ETV6: variants seen among roughly 807,000 people sequenced by gnomAD.
ETV6 encodes transcription factor ETV6.
A neutral mutation model predicts 51.1 loss-of-function variants in ETV6; 16 were observed. The observed-to-expected ratio is 0.31, with a 90% CI of 0.21 to 0.48. The LOEUF is 0.48. Ranked by LOEUF, ETV6 falls within the 20% of genes least tolerant of loss-of-function variation. ETV6 has a pLI of 0.99. For missense variants in ETV6, 458 were observed against 594.8 expected (o/e 0.77, Z 2.39); for synonymous variants, 240 against 224.1 (o/e 1.07, Z -0.64).
chr12:11,718,832 T>G (rs1865328198), intron 1 of ETV6, among the ~76,000 whole-genome samples: 1 of 152,076 alleles, frequency 6.6e-6, no homozygotes, highest in Non-Finnish European at 1.5e-5. Context: ...ATACTGTATT[T>G]TAGAATAAGC....
chr12:11,793,489 A>G (rs964030341), intron 2 of ETV6, among the ~76,000 whole-genome samples: 7 of 152,232 alleles, frequency 4.6e-5, no homozygotes, highest in African/African-American at 1.7e-4. Flanking sequence ...TCCACACACC[A>G]TCTCATTCAA....
At chr12:11,732,121 A>G (rs954557408) in intron 1 of ETV6, among the ~76,000 whole-genome samples, 1 of 152,236 alleles carries the variant, frequency 6.6e-6, no homozygotes, top group African/African-American at 2.4e-5. Context: ...CAGTGTGTGC[A>G]TGGCTCAGTG....
intron 2 of ETV6, among the ~76,000 whole-genome samples, chr12:11,791,172 C>T (rs541597783): frequency 4.6e-5 from 7 of 152,236 alleles, no homozygotes; most frequent in South Asian, 2.1e-4. Context: ...AAATTACCAC[C>T]GGTTCTTCTG....
chr12:11,709,754 A>C (rs1195755619), intron 1 of ETV6, among the ~76,000 whole-genome samples: 1 of 152,230 alleles, frequency 6.6e-6, no homozygotes, highest in Non-Finnish European at 1.5e-5. Context: ...AATCAGTTGA[A>C]GGCCTGAATA....
chr12:11,650,299 T>G, intron 1 of ETV6, 139 bp downstream of exon 1: 1 of 759,562 alleles, frequency 1.3e-6, no homozygotes, highest in South Asian at 1.4e-5. Context: ...GGGAAAGAGA[T>G]GCAGCTCGCG....
At chr12:11,673,809 CT>C (rs577992233) in intron 1 of ETV6, among the ~76,000 whole-genome samples, 1 of 152,230 alleles carries the variant, frequency 6.6e-6, no homozygotes, top group East Asian at 1.9e-4. Flanking sequence ...TAGAGTGATC[CT>C]TTTCCTTTCC....
At chr12:11,719,838 C>A (rs1299597508) in intron 1 of ETV6, among the ~76,000 whole-genome samples, 1 of 152,236 alleles carries the variant, frequency 6.6e-6, no homozygotes, top group East Asian at 1.9e-4. Flanking sequence ...TTCCCTCACA[C>A]TGGCTCTTTC....
rs781022272 is a variant in ETV6, at chr12:11,752,555, T to C, written c.139T>C (p.Ser47Pro). The stretch of plus-strand genomic sequence containing the variant: ...TCGAGCGCTCAGGATGGAGGAAGAC[T>C]CGATCCGCCTGCCTGCGCACCTGCG... ...VPRALRMEED[S>P]IRLPAHLRLQ... Residue 47 changes from serine (S) to proline (P), a missense_variant, in exon 2 of 8, where the codon TCG (serine) becomes CCG (proline). Physicochemically the swap from Ser to Pro is moderately conservative, Grantham distance 74. Around this residue, in one of 4 missense-constraint regions of ETV6, gnomAD observed 84 missense variants for 75.9 expected, o/e 1.11. Transcript: ENST00000396373. 1 of 1,613,286 alleles carries C rather than the reference T, an allele frequency of 6.2e-7. No homozygotes were observed. The highest frequency in any genetic ancestry group is 8.5e-7 in the Non-Finnish European group (1 of 1,179,908).
At chr12:11,697,617 T>C (rs1864900296) in intron 1 of ETV6, among the ~76,000 whole-genome samples, 1 of 152,196 alleles carries the variant, frequency 6.6e-6, no homozygotes, top group Non-Finnish European at 1.5e-5. Context: ...ATTAAGAATT[T>C]AGGGGTGTAA....
intron 1 of ETV6, among the ~76,000 whole-genome samples, chr12:11,718,598 G>A (rs1411248804): frequency 7.0e-6 from 1 of 142,276 alleles, no homozygotes; most frequent in Non-Finnish European, 1.5e-5. Context: ...AAACCCCATC[G>A]CTACTAAAAA....
At chr12:11,815,030 A>G (rs1273841422) in intron 2 of ETV6, among the ~76,000 whole-genome samples, 1 of 152,166 alleles carries the variant, frequency 6.6e-6, no homozygotes, top group Non-Finnish European at 1.5e-5. Flanking sequence ...AACACAACAG[A>G]AAATGATGCA....
chr12:11,706,468 T>A (rs1297904147), intron 1 of ETV6, among the ~76,000 whole-genome samples: 1 of 152,216 alleles, frequency 6.6e-6, no homozygotes, highest in African/African-American at 2.4e-5. Context: ...GAGAGCATGA[T>A]GTGAATTTCA....
chr12:11,714,630 A>G (rs1865236617), intron 1 of ETV6, among the ~76,000 whole-genome samples: 1 of 148,742 alleles, frequency 6.7e-6, no homozygotes, highest in Admixed American at 6.7e-5. Flanking sequence ...CTTTTAGGTA[A>G]GTAATCATAC....
chr12:11,776,367 TAATAA>T (rs1310194141), intron 2 of ETV6, among the ~76,000 whole-genome samples: 1 of 152,036 alleles, frequency 6.6e-6, no homozygotes, highest in Non-Finnish European at 1.5e-5. Context: ...ATTTTTAGAA[TAATAA>T]AATATCAGTT....
intron 2 of ETV6, among the ~76,000 whole-genome samples, chr12:11,823,733 G>A (rs1017077080): frequency 3.4e-4 from 52 of 152,016 alleles, no homozygotes; most frequent in Non-Finnish European, 2.9e-5. Flanking sequence ...CCCAAAATGC[G>A]GGATTACAGG....
intron 4 of ETV6, among the ~76,000 whole-genome samples, chr12:11,858,814 T>A (rs1197770212): frequency 3.6e-5 from 5 of 138,716 alleles, no homozygotes; most frequent in Non-Finnish European, 8.4e-5. Flanking sequence ...AAGGTAAACA[T>A]GGAAATCGCA....
Position 11,891,646 on chromosome 12 carries a change from C to T in ETV6, c.*600C>T, listed in dbSNP as rs953655132. The stretch of plus-strand genomic sequence containing the variant: ...AAAAGATAAAATGAAAAGGAGAGCT[C>T]TCTTTTTCTCTCTCTTGCTCTGTTC... On this transcript the variant is annotated 3_prime_UTR_variant, in exon 8 of 8. Coordinates refer to ENST00000396373, the MANE Select transcript of ETV6 (RefSeq NM_001987.5). 4 of 526,650 alleles carry T rather than the reference C, an allele frequency of 7.6e-6. No homozygotes were observed. The highest frequency in any genetic ancestry group is 1.5e-5 in the Non-Finnish European group (4 of 273,048). 32.6% of individuals were successfully genotyped at this position (526,650 alleles called of 1,614,324 possible).
chr12:11,891,415 G>T lies in ETV6; in HGVS notation c.*369G>T. On this transcript the variant is annotated 3_prime_UTR_variant, in exon 8 of 8. Transcript: ENST00000396373. Reference sequence around the variant, plus strand: ...AGTTTGACTCTTCATCGTTCATCTAGGGGAAGACATCTGATGTTGTTTTCC... The same window carrying T: ...AGTTTGACTCTTCATCGTTCATCTATGGGAAGACATCTGATGTTGTTTTCC... The T allele has an allele frequency of 2.9e-6, 1 of 349,084 alleles. No homozygotes were observed. Among genetic ancestry groups the T allele is most frequent in the Non-Finnish European group, 5.3e-6 (1 of 188,258 alleles). 21.6% of individuals were successfully genotyped at this position (349,084 alleles called of 1,614,324 possible).
chr12:11,868,243 G>T (rs1178832901), intron 4 of ETV6, among the ~76,000 whole-genome samples: 1 of 152,128 alleles, frequency 6.6e-6, no homozygotes, highest in Non-Finnish European at 1.5e-5. Flanking sequence ...GACAGATGTT[G>T]TCATGAGTAC....
Sources: allele counts gnomAD v4.1 joint callset (sites outside exome capture counted in the v4.1 genomes callset), GRCh38; gene constraint gnomAD v4.1.1; regional missense constraint gnomAD v4.1.1; transcripts MANE v1.5; gene names NCBI Gene and HGNC (gene_info 2026-07-23, HGNC 2026-07-21).